NEBL: variants seen among roughly 807,000 people sequenced by gnomAD.
NEBL encodes nebulette.
A neutral mutation model predicts 140.2 loss-of-function variants in NEBL; 122 were observed. That is an observed-to-expected ratio of 0.87 (90% CI 0.75 to 1.01). NEBL has a LOEUF of 1.01. Ranked by LOEUF, NEBL falls within the 50% of genes least tolerant of loss-of-function variation. NEBL has a pLI of 0.00. For missense variants in NEBL, 1,365 were observed against 1,231.3 expected, an observed-to-expected ratio of 1.11 and a Z score of -1.62; for synonymous variants, 436 against 398.9, an observed-to-expected ratio of 1.09 and a Z score of -1.11.
intron 1 of NEBL, among the ~76,000 whole-genome samples, chr10:21,255,486 A>C (rs1842645716): frequency 6.6e-6 from 1 of 152,188 alleles, no homozygotes; most frequent in Non-Finnish European, 1.5e-5. Flanking sequence ...AACTACTTAG[A>C]TTTAAATTTA....
chr10:20,896,045 G>GGACT (rs1847441833), intron 2 of NEBL, among the ~76,000 whole-genome samples: 1 of 152,136 alleles, frequency 6.6e-6, no homozygotes, highest in African/African-American at 2.4e-5. Flanking sequence ...CTCCTGCCCA[G>GGACT]GACTGACTTC....
chr10:20,900,638 A>G (rs1353501306), upstream of NEBL, among the ~76,000 whole-genome samples: 2 of 151,190 alleles, frequency 1.3e-5, no homozygotes, highest in South Asian at 4.2e-4. Flanking sequence ...AGCCTAGGCA[A>G]CATGGTGAAA....
upstream of NEBL, among the ~76,000 whole-genome samples, chr10:20,899,959 T>C (rs563004305): frequency 6.6e-6 from 1 of 152,338 alleles, no homozygotes; most frequent in African/African-American, 2.4e-5. Flanking sequence ...AAAAAAGTGT[T>C]AAGCCCTGCA....
At chr10:20,868,165 C>A (rs1397250396) in intron 7 of NEBL, 1 of 152,236 alleles carries the variant, frequency 6.6e-6, no homozygotes, top group Admixed American at 6.5e-5. Context: ...ACATAAAATG[C>A]CTTTATACTT....
intron 2 of NEBL, among the ~76,000 whole-genome samples, chr10:21,032,896 G>C (rs1346201914): frequency 1.3e-5 from 2 of 152,166 alleles, no homozygotes; most frequent in African/African-American, 4.8e-5. Context: ...ATAAAAGAAG[G>C]CATTATCAAA....
At chr10:20,956,850 T>C (rs1286437332) in intron 4 of NEBL, among the ~76,000 whole-genome samples, 2 of 152,168 alleles carry the variant, frequency 1.3e-5, no homozygotes, top group Admixed American at 6.5e-5. Flanking sequence ...AAGACCTAAT[T>C]GCCTCATACA....
At chr10:20,812,269 T>C (rs1327744418) in intron 24 of NEBL, among the ~76,000 whole-genome samples, 2 of 152,052 alleles carry the variant, frequency 1.3e-5, no homozygotes, top group East Asian at 3.9e-4. Context: ...TGTTCAACCA[T>C]TGTGATCACT....
At chr10:21,026,746 T>C (rs1313200290) in intron 2 of NEBL, among the ~76,000 whole-genome samples, 1 of 152,236 alleles carries the variant, frequency 6.6e-6, no homozygotes, top group African/African-American at 2.4e-5. Flanking sequence ...GGCTGCCTGC[T>C]AGCATTCATT....
intron 3 of NEBL, among the ~76,000 whole-genome samples, chr10:21,185,221 G>A (rs948612774): frequency 6.6e-6 from 1 of 152,126 alleles, no homozygotes; most frequent in East Asian, 1.9e-4. Flanking sequence ...GAATGCAGCC[G>A]GCTGGTAACA....
intron 3 of NEBL, among the ~76,000 whole-genome samples, chr10:21,196,282 G>A (rs1193626281): frequency 4.0e-5 from 6 of 151,594 alleles, no homozygotes; most frequent in East Asian, 1.9e-4. Context: ...GATTATAGGC[G>A]TGAGCCACCA....
intron 4 of NEBL, among the ~76,000 whole-genome samples, chr10:20,952,918 A>AAAAG (rs1554811800): frequency 4.6e-5 from 7 of 150,724 alleles, no homozygotes; most frequent in Non-Finnish European, 1.0e-4. Flanking sequence ...AAAAAAAAAA[A>AAAAG]AAAAAAAGAA....
At chr10:21,029,298 A>G (rs1833678842) in intron 2 of NEBL, 3 of 1,608,848 alleles carry the variant, frequency 1.9e-6, no homozygotes, top group Non-Finnish European at 2.5e-6. Context: ...CTTCTTTTCT[A>G]GGGAACCTAT....
Position 20,884,990 on chromosome 10 carries a change from T to C in NEBL, c.369+3107A>G, listed in dbSNP as rs569758278. ...ATTTCTTCCTTTCAGGCATTTTCTG[T>C]AAGTGTTCATCTAGCTAACTTTATC... On this transcript the variant is annotated intron_variant, in intron 4 of 27. Transcript: ENST00000377122. 5.3e-5 allele frequency among the ~76,000 whole-genome samples: 8 copies of C among 152,374 alleles called. No homozygotes were observed. The South Asian group carries it at 1.2e-3, about 24-fold the overall frequency.
At chr10:20,973,007 A>C (rs1836646303) in intron 3 of NEBL, among the ~76,000 whole-genome samples, 2 of 152,144 alleles carry the variant, frequency 1.3e-5, no homozygotes, top group South Asian at 4.1e-4. Context: ...TATTAAAAAT[A>C]AATATATTAG....
intron 2 of NEBL, chr10:21,030,768 T>A: frequency 2.4e-6 from 1 of 421,970 alleles, no homozygotes; most frequent in South Asian, 2.0e-5. Context: ...AAAAGGAGCA[T>A]GACTCCAGAT....
chr10:20,958,418 T>C (rs909303146), intron 4 of NEBL, among the ~76,000 whole-genome samples: 7 of 152,150 alleles, frequency 4.6e-5, no homozygotes, highest in African/African-American at 9.7e-5. Flanking sequence ...GCTGAACACA[T>C]TGGCTGTCAG....
intron 3 of NEBL, among the ~76,000 whole-genome samples, chr10:21,197,868 T>G (rs1438288440): frequency 6.6e-6 from 1 of 152,178 alleles, no homozygotes; most frequent in Non-Finnish European, 1.5e-5. Context: ...GTCCTGATGA[T>G]TTCATCTTCC....
intron 2 of NEBL, among the ~76,000 whole-genome samples, chr10:21,250,128 T>C (rs926023648): frequency 2.0e-5 from 3 of 152,090 alleles, no homozygotes; most frequent in African/African-American, 7.2e-5. Flanking sequence ...GTCAACTTGA[T>C]TGGATTGAAG....
At chr10:20,880,177 A>G (rs1845884073) in intron 5 of NEBL, among the ~76,000 whole-genome samples, 2 of 152,150 alleles carry the variant, frequency 1.3e-5, no homozygotes, top group Admixed American at 1.3e-4. Context: ...CCTGGCCTAG[A>G]TGGTGAAAAC....
Sources: allele counts gnomAD v4.1 joint callset (sites outside exome capture counted in the v4.1 genomes callset), GRCh38; gene constraint gnomAD v4.1.1; transcripts MANE v1.5; gene names NCBI Gene and HGNC (gene_info 2026-07-23, HGNC 2026-07-21).